CPNE4: variants seen among roughly 807,000 people sequenced by gnomAD.
The protein encoded by CPNE4 is copine 4.
CPNE4 carries 25 observed loss-of-function variants against 67.9 expected under a neutral mutation model. That is an observed-to-expected ratio of 0.37 (90% CI 0.27 to 0.51). The LOEUF is 0.51. CPNE4 is among the 20% of genes least tolerant of loss of function. The pLI is 0.93. For synonymous variants in CPNE4, 242 were observed against 244.9 expected, an observed-to-expected ratio of 0.99 and a Z score of 0.11; for missense variants, 464 against 690.8, an observed-to-expected ratio of 0.67 and a Z score of 3.68.
chr3:131,818,577 A>G (rs908478724), intron 2 of CPNE4, among the ~76,000 whole-genome samples: 1 of 152,228 alleles, frequency 6.6e-6, no homozygotes, highest in Non-Finnish European at 1.5e-5. Flanking sequence ...GGAGGCTGTC[A>G]AAAATGAAAA....
In CPNE4 at chr3:131,534,547, C is replaced by T. The variant is rs1472796307; in HGVS notation, c.*648G>A. The stretch of plus-strand genomic sequence containing the variant: ...TATCACAATCTGAATTTTAATAAGA[C>T]TCTCAGGTGATTTGTGTACACAGTA... On this transcript the variant is annotated 3_prime_UTR_variant, in exon 16 of 16. Coordinates refer to ENST00000429747, the MANE Select transcript of CPNE4 (RefSeq NM_130808.3). 1 of 152,180 alleles carries T rather than the reference C, an allele frequency of 6.6e-6. No individual in the cohort carries two copies. The highest frequency in any genetic ancestry group is 1.5e-5 in the Non-Finnish European group (1 of 68,048). 9.4% of individuals were successfully genotyped at this position (152,180 alleles called of 1,614,324 possible). A position where few individuals can be genotyped will look rare whatever the true frequency, so the allele number is the denominator to read the frequency against.
At position 131,536,409 on chromosome 3, in the gene CPNE4, T is replaced by C. The variant is rs143818910; in HGVS notation, c.1540-1080A>G. ...ACAACCCCTGGGCAAGCAATTTCAATGGCCTGAGCCTCATTATTAACTATT... is the reference window on the plus strand; with the variant it reads ...ACAACCCCTGGGCAAGCAATTTCAACGGCCTGAGCCTCATTATTAACTATT... On this transcript the variant is annotated intron_variant, in intron 15 of 15. Transcript: ENST00000429747. Among the ~76,000 whole-genome samples the C allele has an allele frequency of 6.2e-3, 937 of 152,350 alleles. 11 individuals carry two copies. Among genetic ancestry groups the C allele is most frequent in the African/African-American group, 0.021 (868 of 41,578 alleles).
rs751071667 is a variant in CPNE4 at position 131,542,615 on chromosome 3, T to C, written c.1481A>G (p.Lys494Arg). The change falls in exon 15 of 16, where the codon AAG (lysine) becomes AGG (arginine). Residue 494 changes from lysine (K) to arginine (R), a missense_variant. By Grantham distance (26) the Lys-to-Arg change is conservative. Coordinates refer to ENST00000429747, the MANE Select transcript of CPNE4 (RefSeq NM_130808.3). ...GATGTCTCGAAGAACAGGCTCTCCC[T>C]TGGGTGACCTCAGAATCCCATCATC... is the stretch of plus-strand genomic sequence containing the variant. ...DGDDGILRSPKGEPVLRDIVQ... is the reference protein window; with the variant it reads ...DGDDGILRSPRGEPVLRDIVQ... 3.5e-5 allele frequency: 57 copies of C among 1,613,990 alleles called. No homozygotes were observed. Among genetic ancestry groups the C allele is most frequent in the Non-Finnish European group, 4.6e-5 (54 of 1,179,998 alleles).
At chr3:132,017,272 C>T (rs528545630) in intron 1 of CPNE4, among the ~76,000 whole-genome samples, 6 of 144,826 alleles carry the variant, frequency 4.1e-5, no homozygotes, top group South Asian at 2.2e-4. Context: ...AAAGTGGAGA[C>T]GAGAAGGGAG....
chr3:131,926,852 A>G (rs2107821022), intron 1 of CPNE4, among the ~76,000 whole-genome samples: 1 of 152,248 alleles, frequency 6.6e-6, no homozygotes, highest in Non-Finnish European at 1.5e-5. Context: ...TGTAGTTTTA[A>G]AGCAGGCAAT....
intron 1 of CPNE4, among the ~76,000 whole-genome samples, chr3:131,981,344 C>G (rs1407875095): frequency 1.3e-5 from 2 of 152,060 alleles, no homozygotes; most frequent in Non-Finnish European, 2.9e-5. Flanking sequence ...TGAGCTCAGA[C>G]TCTCCTTGGG....
chr3:131,860,199 A>G (rs2086618354), intron 2 of CPNE4, among the ~76,000 whole-genome samples: 1 of 152,198 alleles, frequency 6.6e-6, no homozygotes, highest in South Asian at 2.1e-4. Context: ...ATGTCTCCAT[A>G]AGATATGTTT....
chr3:131,872,033 C>T (rs2087230989), intron 2 of CPNE4, among the ~76,000 whole-genome samples: 3 of 152,138 alleles, frequency 2.0e-5, no homozygotes, highest in Admixed American at 2.0e-4. Context: ...GAGATGAGAT[C>T]CTTGTTCCCC....
At chr3:131,726,719 G>T (rs187197162) in intron 2 of CPNE4, among the ~76,000 whole-genome samples, 9 of 135,316 alleles carry the variant, frequency 6.7e-5, no homozygotes, top group South Asian at 2.7e-4. Context: ...TAATCAACTG[G>T]GGGGGGCGGG....
intron 2 of CPNE4, among the ~76,000 whole-genome samples, chr3:131,810,622 A>T (rs2084488356): frequency 6.6e-6 from 1 of 152,048 alleles, no homozygotes; most frequent in African/African-American, 2.4e-5. Context: ...GGAAAACAGC[A>T]TGGAGAGTTC....
chr3:131,930,080 A>G (rs1388273674), intron 1 of CPNE4, among the ~76,000 whole-genome samples: 1 of 152,152 alleles, frequency 6.6e-6, no homozygotes, highest in East Asian at 1.9e-4. Flanking sequence ...ATTTAATTCA[A>G]TAGATAGTCA....
intron 6 of CPNE4, 143 bp from the exon 7 acceptor site, chr3:131,669,907 T>C: frequency 1.5e-6 from 1 of 671,128 alleles, no homozygotes; most frequent in Non-Finnish European, 2.6e-6. Flanking sequence ...AAAAACTTGA[T>C]GTAGTAAATC....
chr3:131,616,834 T>C lies in CPNE4; in HGVS notation c.682-29252A>G, dbSNP rs116731379. ...TAGAGTGAGAGTCAAAGAGATCAGC[T>C]CTCACCACAAAGGAAAGCTCAAAGC... On this transcript the variant is annotated intron_variant, in intron 7 of 15. Coordinates refer to ENST00000429747, the MANE Select transcript of CPNE4 (RefSeq NM_130808.3). 3.3e-3 allele frequency among the ~76,000 whole-genome samples: 496 copies of C among 152,282 alleles called. 2 individuals carry two copies. Among genetic ancestry groups the C allele is most frequent in the African/African-American group, 0.011 (455 of 41,566 alleles).
intron 7 of CPNE4, among the ~76,000 whole-genome samples, chr3:131,646,799 A>G (rs1363284071): frequency 6.6e-6 from 1 of 152,248 alleles, no homozygotes; most frequent in East Asian, 1.9e-4. Flanking sequence ...GAGATACATA[A>G]GCATGTCAGG....
intron 7 of CPNE4, among the ~76,000 whole-genome samples, chr3:131,659,446 T>G (rs1226113080): frequency 2.0e-5 from 3 of 152,174 alleles, no homozygotes; most frequent in Non-Finnish European, 4.4e-5. Flanking sequence ...GCAACTTATT[T>G]AGATGGACAT....
intron 1 of CPNE4, among the ~76,000 whole-genome samples, chr3:131,978,201 T>TAAA (rs1560721217): frequency 5.1e-4 from 27 of 53,436 alleles, no homozygotes; most frequent in African/African-American, 3.2e-3. Context: ...TTTATAATTA[T>TAAA]TATATATAAT....
At chr3:131,983,120 T>C (rs918558709) in intron 1 of CPNE4, among the ~76,000 whole-genome samples, 2 of 152,190 alleles carry the variant, frequency 1.3e-5, no homozygotes, top group African/African-American at 4.8e-5. Context: ...AGTTTTAGGC[T>C]TTCTGATTAA....
chr3:131,976,253 T>C (rs898381535), intron 1 of CPNE4, among the ~76,000 whole-genome samples: 1 of 151,912 alleles, frequency 6.6e-6, no homozygotes, highest in Non-Finnish European at 1.5e-5. Context: ...CTTACTTTTG[T>C]AGGGTTTAAT....
chr3:131,964,687 A>T (rs1429663027), intron 1 of CPNE4, among the ~76,000 whole-genome samples: 1 of 152,048 alleles, frequency 6.6e-6, no homozygotes, highest in African/African-American at 2.4e-5. Flanking sequence ...AAGAATGAAA[A>T]GGAACAAGAA....
Sources: allele counts gnomAD v4.1 joint callset (sites outside exome capture counted in the v4.1 genomes callset), GRCh38; gene constraint gnomAD v4.1.1; transcripts MANE v1.5; gene names NCBI Gene and HGNC (gene_info 2026-07-23, HGNC 2026-07-21).